RHOU: variants seen among roughly 807,000 people sequenced by gnomAD.
The protein encoded by RHOU is ras homolog family member U.
Under a neutral mutation model 12.6 loss-of-function variants are expected in RHOU, and 8 were observed. The observed-to-expected ratio is 0.64, with a 90% confidence interval of 0.37 to 1.15. The LOEUF (loss-of-function observed/expected upper bound fraction) is 1.15, where lower values mean the gene tolerates loss of function less well. RHOU is among the 50% of genes most tolerant of loss of function. RHOU has a pLI of 0.01. For synonymous variants in RHOU, 161 were observed against 147.4 expected (o/e 1.09, Z -0.67); for missense variants, 258 against 347.0 (o/e 0.74, Z 2.04).
chr1:228,730,580 A>C (rs946461576), upstream of RHOU, among the ~76,000 whole-genome samples: 1 of 152,222 alleles, frequency 6.6e-6, no homozygotes, highest in Non-Finnish European at 1.5e-5. Context: ...AGAACCATAC[A>C]AAGAAGGAAA....
the RHOU span, among the ~76,000 whole-genome samples, chr1:228,676,496 A>G: frequency 6.6e-6 from 1 of 152,222 alleles, no homozygotes; most frequent in South Asian, 2.1e-4. Flanking sequence ...CCATCTCGAA[A>G]AAAAACTGTT....
the RHOU span, chr1:228,650,657 T>G: frequency 2.1e-6 from 1 of 476,406 alleles, no homozygotes; most frequent in Non-Finnish European, 4.1e-6. Flanking sequence ...GATGTAAAAC[T>G]CGTTTCACTC....
At chr1:228,658,303 AAAAG>A in the RHOU span, among the ~76,000 whole-genome samples, 3 of 151,858 alleles carry the variant, frequency 2.0e-5, no homozygotes, top group African/African-American at 7.3e-5. Context: ...AAAAAAAAAA[AAAAG>A]GGTAAAAAGG....
At chr1:228,664,758 C>G in the RHOU span, among the ~76,000 whole-genome samples, 6 of 152,130 alleles carry the variant, frequency 3.9e-5, no homozygotes, top group Non-Finnish European at 8.8e-5. Context: ...TTCAGCCTCC[C>G]GAGTAGCTGG....
chr1:228,708,175 C>T, the RHOU span, among the ~76,000 whole-genome samples: 4 of 152,108 alleles, frequency 2.6e-5, no homozygotes, highest in Non-Finnish European at 4.4e-5. Context: ...ACCAAATCTA[C>T]GTCTGATTGG....
chr1:228,669,875 A>G, the RHOU span, among the ~76,000 whole-genome samples: 1 of 152,228 alleles, frequency 6.6e-6, no homozygotes, highest in Non-Finnish European at 1.5e-5. Flanking sequence ...GGTGCACTTC[A>G]AACTGAAAAT....
At chr1:228,719,988 C>A in the RHOU span, among the ~76,000 whole-genome samples, 2 of 152,030 alleles carry the variant, frequency 1.3e-5, no homozygotes, top group Non-Finnish European at 2.9e-5. Flanking sequence ...GACATAAGCA[C>A]CCTTTTATGA....
the RHOU span, among the ~76,000 whole-genome samples, chr1:228,718,840 G>A: frequency 1.3e-5 from 2 of 152,208 alleles, no homozygotes; most frequent in South Asian, 4.1e-4. Flanking sequence ...CACTGCGGGT[G>A]ACCCTGGATG....
chr1:228,663,617 TTTC>T, the RHOU span, among the ~76,000 whole-genome samples: 100 of 102,280 alleles, frequency 9.8e-4, 1 homozygote, highest in Admixed American at 3.5e-3. Flanking sequence ...TTTCTTTTCT[TTTC>T]TTTTCTTTTT....
At chr1:228,660,502 A>C in the RHOU span, among the ~76,000 whole-genome samples, 1 of 152,020 alleles carries the variant, frequency 6.6e-6, no homozygotes, top group African/African-American at 2.4e-5. Flanking sequence ...ATACCAAAGC[A>C]AGACAAAGAT....
Position 228,737,838 on chromosome 1 carries a change from A to G in RHOU, c.321+107A>G. Reference sequence around the variant, plus strand: ...AGTAACTGGGTCATTCTAAAGCCTCATGAAGTGGACCCACCCCTGCTGTTG... The same window carrying G: ...AGTAACTGGGTCATTCTAAAGCCTCGTGAAGTGGACCCACCCCTGCTGTTG... On this transcript the variant is annotated intron_variant, in intron 2 of 2. Transcript: ENST00000366691. The surrounding 1 kb of genome is among the most constrained non-coding windows in gnomAD (Gnocchi z 4.1). The G allele has an allele frequency of 1.6e-6, 2 of 1,227,422 alleles. No individual in the cohort carries two copies. Among genetic ancestry groups the G allele is most frequent in the Non-Finnish European group, 2.4e-6 (2 of 846,526 alleles). The allele number at this position is 1,227,422 out of a possible 1,614,324, so 76.0% of individuals were successfully genotyped here.
At chr1:228,698,667 G>T in the RHOU span, among the ~76,000 whole-genome samples, 2 of 152,232 alleles carry the variant, frequency 1.3e-5, no homozygotes, top group African/African-American at 4.8e-5. Context: ...CCATCCAGAA[G>T]AGTGAAGGCC....
the RHOU span, among the ~76,000 whole-genome samples, chr1:228,646,909 G>T: frequency 6.6e-6 from 1 of 152,086 alleles, no homozygotes; most frequent in East Asian, 2.0e-4. Context: ...CAGCGATCGA[G>T]AGAGACCGGA....
chr1:228,688,241 A>T, the RHOU span, among the ~76,000 whole-genome samples: 2 of 152,080 alleles, frequency 1.3e-5, no homozygotes, highest in Non-Finnish European at 2.9e-5. Flanking sequence ...CATGCCTCCC[A>T]CTGCCTTTTG....
intron 2 of RHOU, among the ~76,000 whole-genome samples, chr1:228,742,310 C>T (rs1350056236): frequency 6.6e-6 from 1 of 152,234 alleles, no homozygotes; most frequent in African/African-American, 2.4e-5. Flanking sequence ...ACAGCCAAAT[C>T]CCCTCGCCTG....
rs1202256320 is a variant in RHOU, at chr1:228,737,958, C to T, written c.321+227C>T. On this transcript the variant is annotated intron_variant, in intron 2 of 2. Transcript: ENST00000366691. The surrounding 1 kb of genome is among the most constrained non-coding windows in gnomAD (Gnocchi z 4.1). Reference sequence around the variant, plus strand: ...TAATAAAGCAGGGTTTGGCCCAGCTCTGCGTAACCAGGCAAGGGAGGAAGC... The same window carrying T: ...TAATAAAGCAGGGTTTGGCCCAGCTTTGCGTAACCAGGCAAGGGAGGAAGC... Among the ~76,000 whole-genome samples the T allele has an allele frequency of 6.6e-6, 1 of 152,140 alleles. No individual in the cohort carries two copies. Among genetic ancestry groups the T allele is most frequent in the Non-Finnish European group, 1.5e-5 (1 of 68,016 alleles).
rs1417654829 is a variant in RHOU, at chr1:228,745,341, C to G, written c.*1601C>G. ...CCCAGAGCCACCAAAGTCACATCCA[C>G]AACTAATGAGGGAAATCTGTAAAGC... On this transcript the variant is annotated 3_prime_UTR_variant, in exon 3 of 3. Coordinates refer to ENST00000366691, the MANE Select transcript of RHOU (RefSeq NM_021205.6). 1 of 152,180 alleles carries G rather than the reference C, an allele frequency of 6.6e-6. No homozygotes were observed. The highest frequency in any genetic ancestry group is 1.5e-5 in the Non-Finnish European group (1 of 68,040). The allele number at this position is 152,180 out of a possible 1,614,324, so 9.4% of individuals were successfully genotyped here. A position where few individuals can be genotyped will look rare whatever the true frequency, so the allele number is the denominator to read the frequency against.
the RHOU span, among the ~76,000 whole-genome samples, chr1:228,685,678 A>G: frequency 6.6e-5 from 10 of 152,238 alleles, no homozygotes; most frequent in African/African-American, 2.2e-4. Context: ...ACTGTATGTG[A>G]ATATATATCT....
At chr1:228,739,224 A>G (rs1386947420) in intron 2 of RHOU, among the ~76,000 whole-genome samples, 1 of 152,194 alleles carries the variant, frequency 6.6e-6, no homozygotes, top group Non-Finnish European at 1.5e-5. Context: ...ATTTCCTTGT[A>G]TGAAGTGAGG....
Sources: gnomAD v4.1 joint callset for allele counts (sites outside exome capture counted in the v4.1 genomes callset) on GRCh38, gnomAD v4.1.1 for gene constraint, Gnocchi (gnomAD v3.1) non-coding constraint, MANE v1.5 for transcripts, NCBI Gene and HGNC (gene_info 2026-07-23, HGNC 2026-07-21) for gene names.